The following CAMTA1 variants were observed in gnomAD, a reference collection of about 807,000 sequenced individuals.
The protein encoded by CAMTA1 is calmodulin binding transcription activator 1.
CAMTA1 carries 27 observed loss-of-function variants against 170.9 expected under a neutral mutation model. That is an observed-to-expected ratio of 0.16 (90% confidence interval 0.12 to 0.22). The LOEUF (loss-of-function observed/expected upper bound fraction) is 0.22. Among genes scored for constraint, CAMTA1 ranks in the 10% least tolerant of loss-of-function variants. The pLI is 1.00. For synonymous variants in CAMTA1, 833 were observed against 891.5 expected (o/e 0.93, Z 1.17); for missense variants, 1,619 against 2,217.2 (o/e 0.73, Z 5.42).
intron 3 of CAMTA1, among the ~76,000 whole-genome samples, chr1:6,969,935 G>T (rs1224050356): frequency 6.6e-6 from 1 of 152,132 alleles, no homozygotes; most frequent in African/African-American, 2.4e-5. Flanking sequence ...TCGATACAGT[G>T]CACATGTGCA....
intron 4 of CAMTA1, among the ~76,000 whole-genome samples, chr1:7,191,736 A>G (rs1654561409): frequency 6.6e-6 from 1 of 152,154 alleles, no homozygotes. Context: ...AATACAGAGG[A>G]TGGGGAAGAA....
At chr1:7,059,041 G>T (rs527792648) in intron 3 of CAMTA1, among the ~76,000 whole-genome samples, 179 of 152,272 alleles carry the variant, frequency 1.2e-3, no homozygotes, top group African/African-American at 4.1e-3. Context: ...GTCCTGGAGG[G>T]TGCAACGTCT....
At chr1:6,944,015 C>T (rs1384430670) in intron 3 of CAMTA1, among the ~76,000 whole-genome samples, 2 of 152,102 alleles carry the variant, frequency 1.3e-5, no homozygotes, top group Non-Finnish European at 2.9e-5. Flanking sequence ...CTGTTAAGCA[C>T]GAACTCTCCA....
intron 5 of CAMTA1, among the ~76,000 whole-genome samples, chr1:7,419,646 C>T (rs370969011): frequency 2.0e-5 from 3 of 152,328 alleles, no homozygotes; most frequent in East Asian, 3.9e-4. Context: ...TAGACTCAGA[C>T]TCCTAAGTGT....
At chr1:7,372,476 C>T (rs2086546390) in intron 5 of CAMTA1, among the ~76,000 whole-genome samples, 1 of 152,226 alleles carries the variant, frequency 6.6e-6, no homozygotes, top group Non-Finnish European at 1.5e-5. Flanking sequence ...TCGAGCTGCA[C>T]GTCTTTCCTG....
intron 3 of CAMTA1, chr1:6,874,242 G>A (rs1020161034): frequency 6.6e-6 from 1 of 152,284 alleles, no homozygotes; most frequent in Non-Finnish European, 1.5e-5. Flanking sequence ...CTGAGAGGCA[G>A]TGGTAGTGAA....
intron 3 of CAMTA1, among the ~76,000 whole-genome samples, chr1:6,928,042 C>T (rs1683665350): frequency 6.6e-6 from 1 of 152,218 alleles, no homozygotes; most frequent in Non-Finnish European, 1.5e-5. Flanking sequence ...CTCTCCGCTC[C>T]CCTGCATCCT....
intron 5 of CAMTA1, among the ~76,000 whole-genome samples, chr1:7,398,185 CTCTCT>C (rs2089534516): frequency 6.4e-5 from 3 of 46,542 alleles, no homozygotes; most frequent in African/African-American, 2.6e-4. Context: ...CTCTCTCTCT[CTCTCT>C]CTCTATATAT....
At chr1:6,818,272 G>C (rs945035513) in intron 1 of CAMTA1, among the ~76,000 whole-genome samples, 1 of 152,222 alleles carries the variant, frequency 6.6e-6, no homozygotes, top group Non-Finnish European at 1.5e-5. Context: ...GGGAGGCAGA[G>C]GTTGCACTGA....
intron 4 of CAMTA1, among the ~76,000 whole-genome samples, chr1:7,212,604 T>C (rs1658979596): frequency 6.6e-6 from 1 of 152,234 alleles, no homozygotes; most frequent in Non-Finnish European, 1.5e-5. Flanking sequence ...AGATGATCCA[T>C]GCACCCTTTG....
intron 3 of CAMTA1, among the ~76,000 whole-genome samples, chr1:6,981,510 G>A (rs1038224374): frequency 3.3e-5 from 5 of 152,108 alleles, no homozygotes; most frequent in Non-Finnish European, 5.9e-5. Flanking sequence ...ATGGCTCACC[G>A]CAGCCTTAAC....
intron 5 of CAMTA1, among the ~76,000 whole-genome samples, chr1:7,270,360 T>A (rs1669612856): frequency 6.7e-6 from 1 of 149,106 alleles, no homozygotes; most frequent in Non-Finnish European, 1.5e-5. Flanking sequence ...AATGGTGTGA[T>A]CTCGGCTCAC....
chr1:7,670,810 A>C (rs915935102), intron 9 of CAMTA1, 101 bp from the exon 10 acceptor site: 1 of 1,367,414 alleles, frequency 7.3e-7, no homozygotes, highest in Non-Finnish European at 1.0e-6. Flanking sequence ...GGCGAGGGGT[A>C]CAGACCCCCA....
chr1:7,512,296 A>G (rs939154126), intron 6 of CAMTA1, among the ~76,000 whole-genome samples: 1 of 152,228 alleles, frequency 6.6e-6, no homozygotes, highest in African/African-American at 2.4e-5. Context: ...TGTGGAAGGT[A>G]TCAGTGTTAT....
At chr1:7,339,504 G>T (rs2149800025) in intron 5 of CAMTA1, among the ~76,000 whole-genome samples, 1 of 152,252 alleles carries the variant, frequency 6.6e-6, no homozygotes. Context: ...AGCCCTTCCT[G>T]CCCTGCTTGG....
chr1:7,489,474 C>G (rs1471395351), intron 6 of CAMTA1, among the ~76,000 whole-genome samples: 1 of 152,150 alleles, frequency 6.6e-6, no homozygotes, highest in African/African-American at 2.4e-5. Context: ...GCCTCTGCAT[C>G]TCGTTCTCCA....
intron 11 of CAMTA1, among the ~76,000 whole-genome samples, chr1:7,679,002 T>C (rs1576798161): frequency 1.3e-5 from 2 of 152,276 alleles, no homozygotes; most frequent in African/African-American, 2.4e-5. Flanking sequence ...CCCTGGCTGG[T>C]GAACCCTCAG....
chr1:7,428,435 GATC>G (rs200828415), intron 5 of CAMTA1, among the ~76,000 whole-genome samples: 75 of 144,370 alleles, frequency 5.2e-4, no homozygotes, highest in African/African-American at 1.8e-3. Context: ...ACCGAGGGCC[GATC>G]ACCACATCAG....
chr1:7,132,925 A>G (rs1032261168), intron 4 of CAMTA1, among the ~76,000 whole-genome samples: 10 of 152,176 alleles, frequency 6.6e-5, no homozygotes, highest in African/African-American at 2.4e-4. Context: ...TGATTTTCAA[A>G]TGTTAAACCT....
Sources: allele counts gnomAD v4.1 joint callset (sites outside exome capture counted in the v4.1 genomes callset), GRCh38; gene constraint gnomAD v4.1.1; transcripts MANE v1.5; gene names NCBI Gene and HGNC (gene_info 2026-07-23, HGNC 2026-07-21).